The following PRKG1 variants were observed in gnomAD, a reference collection of about 807,000 sequenced individuals.
PRKG1 encodes cGMP-dependent protein kinase 1.
PRKG1 carries 35 observed loss-of-function variants against 88.1 expected under a neutral mutation model. That is an observed-to-expected ratio of 0.40 (90% CI 0.30 to 0.53). PRKG1 has a LOEUF of 0.53. PRKG1 is among the 20% of genes least tolerant of loss of function. PRKG1 has a pLI of 0.59. For synonymous variants in PRKG1, 303 were observed against 292.5 expected (o/e 1.04, Z -0.37); for missense variants, 540 against 839.8 (o/e 0.64, Z 4.41).
Position 51,709,607 on chromosome 10 carries a change from A to G in PRKG1, c.593-94978A>G, listed in dbSNP as rs112167614. ...AAAATGGAATTGCCTGTGTTGGTCC[A>G]TAGCCCTTGAGGGGTCTAGGAAAGA... is the stretch of plus-strand genomic sequence containing the variant. On this transcript the variant is annotated intron_variant, in intron 3 of 17. Transcript: ENST00000373980. Among the ~76,000 whole-genome samples, 756 of 152,344 alleles carry G rather than the reference A, an allele frequency of 5.0e-3. 12 individuals are homozygous for G. Among genetic ancestry groups the G allele is most frequent in the African/African-American group, 0.014 (584 of 41,582 alleles).
intron 3 of PRKG1, among the ~76,000 whole-genome samples, chr10:51,630,935 T>C (rs1195080599): frequency 6.6e-6 from 1 of 152,222 alleles, no homozygotes; most frequent in Non-Finnish European, 1.5e-5. Flanking sequence ...ATTTCTTCTG[T>C]TCTTTGTGTT....
At chr10:51,693,074 G>C (rs746082554) in intron 3 of PRKG1, among the ~76,000 whole-genome samples, 6 of 151,906 alleles carry the variant, frequency 3.9e-5, no homozygotes, top group African/African-American at 4.8e-5. Flanking sequence ...GATCATTTGA[G>C]GTCAGGAGTT....
chr10:51,117,931 G>A (rs751215194), intron 1 of PRKG1, among the ~76,000 whole-genome samples: 1 of 152,182 alleles, frequency 6.6e-6, no homozygotes, highest in Non-Finnish European at 1.5e-5. Context: ...CTTAACAACT[G>A]CTCTAACTTT....
At chr10:51,069,416 G>T (rs1185450427) in intron 1 of PRKG1, among the ~76,000 whole-genome samples, 2 of 151,822 alleles carry the variant, frequency 1.3e-5, no homozygotes, top group African/African-American at 2.4e-5. Context: ...AAAATAGCAG[G>T]CACTTGAATC....
At chr10:51,824,661 G>T (rs1014271471) in intron 4 of PRKG1, among the ~76,000 whole-genome samples, 26 of 152,114 alleles carry the variant, frequency 1.7e-4, no homozygotes, top group African/African-American at 6.3e-4. Flanking sequence ...TTCTGGTGAG[G>T]CCTCAGAAAG....
At chr10:51,481,698 C>T (rs1220589350) in intron 3 of PRKG1, among the ~76,000 whole-genome samples, 1 of 151,772 alleles carries the variant, frequency 6.6e-6, no homozygotes, top group African/African-American at 2.4e-5. Context: ...TGTGAGAAAT[C>T]ATAGTAGCTT....
chr10:51,950,522 G>A (rs1843157195), intron 5 of PRKG1, among the ~76,000 whole-genome samples: 1 of 152,258 alleles, frequency 6.6e-6, no homozygotes, highest in Non-Finnish European at 1.5e-5. Context: ...GCCCCTTGCG[G>A]AAGGGAGCAC....
intron 3 of PRKG1, among the ~76,000 whole-genome samples, chr10:51,613,335 C>A (rs187404895): frequency 1.1e-4 from 17 of 151,814 alleles, no homozygotes; most frequent in Admixed American, 1.0e-3. Flanking sequence ...TTCTGGTGGT[C>A]TTTTGTATTT....
At chr10:51,308,337 T>C (rs1841092365) in intron 2 of PRKG1, among the ~76,000 whole-genome samples, 2 of 152,190 alleles carry the variant, frequency 1.3e-5, no homozygotes, top group Admixed American at 1.3e-4. Context: ...CTGGTGATCA[T>C]GCACAAGCCA....
chr10:51,165,688 A>G (rs1846519146), intron 2 of PRKG1, among the ~76,000 whole-genome samples: 1 of 152,162 alleles, frequency 6.6e-6, no homozygotes, highest in Non-Finnish European at 1.5e-5. Context: ...TCAAAATAAA[A>G]GGATGGAGGA....
At chr10:52,171,738 A>G (rs1302437841) in intron 9 of PRKG1, among the ~76,000 whole-genome samples, 1 of 150,942 alleles carries the variant, frequency 6.6e-6, no homozygotes, top group African/African-American at 2.4e-5. Context: ...AATGATTTTC[A>G]GGACAAAACT....
At chr10:51,741,543 A>T (rs1024499549) in intron 3 of PRKG1, among the ~76,000 whole-genome samples, 7 of 152,160 alleles carry the variant, frequency 4.6e-5, no homozygotes, top group African/African-American at 1.7e-4. Context: ...TGTTGGGGAT[A>T]TAAAAATTCA....
At chr10:51,135,678 G>A (rs1845669066) in intron 1 of PRKG1, among the ~76,000 whole-genome samples, 1 of 151,958 alleles carries the variant, frequency 6.6e-6, no homozygotes, top group East Asian at 1.9e-4. Flanking sequence ...GATTAACCAT[G>A]GTTAATAACA....
At chr10:52,042,417 C>T (rs1221091924) in intron 5 of PRKG1, among the ~76,000 whole-genome samples, 1 of 152,024 alleles carries the variant, frequency 6.6e-6, no homozygotes, top group Non-Finnish European at 1.5e-5. Flanking sequence ...AGAAATAAAT[C>T]CACATATCAA....
At chr10:51,507,646 G>A (rs976418195) in intron 3 of PRKG1, among the ~76,000 whole-genome samples, 7 of 152,046 alleles carry the variant, frequency 4.6e-5, no homozygotes, top group Admixed American at 3.3e-4. Flanking sequence ...ATCCTTCTGC[G>A]GGTCATGAGT....
At chr10:51,122,883 C>T (rs9414824) in intron 1 of PRKG1, among the ~76,000 whole-genome samples, 121,273 of 152,144 alleles carry the variant, frequency 0.8, 48,905 homozygotes, top group South Asian at 0.88. Context: ...TAAATGCTCC[C>T]TTACTAGGTT....
At chr10:51,396,546 T>C (rs1047962806) in intron 2 of PRKG1, among the ~76,000 whole-genome samples, 1 of 152,196 alleles carries the variant, frequency 6.6e-6, no homozygotes, top group African/African-American at 2.4e-5. Context: ...TAGAAGAAAC[T>C]CGTTAGATCT....
chr10:52,145,722 G>T lies in PRKG1; in HGVS notation c.1001+11817G>T, dbSNP rs542918185. On this transcript the variant is annotated intron_variant, in intron 8 of 17. Transcript: ENST00000373980. ...TTTGCTTACTTTAGTATTCACACTT[G>T]CCTGGTGAGACAGTTATTACAGGCC... is the stretch of plus-strand genomic sequence containing the variant. Among the ~76,000 whole-genome samples the T allele has an allele frequency of 7.9e-5, 12 of 152,290 alleles. No individual in the cohort carries two copies. In the South Asian group the frequency reaches 1.0e-3, roughly 13 times the overall value.
chr10:51,810,362 G>T (rs1232555010), intron 4 of PRKG1, among the ~76,000 whole-genome samples: 1 of 152,108 alleles, frequency 6.6e-6, no homozygotes, highest in Non-Finnish European at 1.5e-5. Flanking sequence ...CCTCATTACT[G>T]GGAGGTGATT....
Sources: allele counts gnomAD v4.1 joint callset (sites outside exome capture counted in the v4.1 genomes callset), GRCh38; gene constraint gnomAD v4.1.1; transcripts MANE v1.5; gene names NCBI Gene and HGNC (gene_info 2026-07-23, HGNC 2026-07-21).